Variants in SMARCD2 observed in about 807,000 individuals in gnomAD.
SMARCD2 encodes SWI/SNF-related matrix-associated actin-dependent regulator of chromatin subfamily D member 2.
Under a neutral mutation model 70.4 loss-of-function variants are expected in SMARCD2, and 39 were observed. The ratio of observed to expected loss-of-function variants is 0.55; its 90% CI spans 0.43 to 0.72. SMARCD2 has a LOEUF of 0.72. Ranked by LOEUF, SMARCD2 falls within the 30% of genes least tolerant of loss-of-function variation. The pLI is 0.00. For synonymous variants in SMARCD2, 249 were observed against 279.4 expected, an observed-to-expected ratio of 0.89 and a Z score of 1.08; for missense variants, 540 against 713.4, an observed-to-expected ratio of 0.76 and a Z score of 2.77.
chr17:63,836,976 C>G lies in SMARCD2; in HGVS notation c.513G>C (p.Gln171His), dbSNP rs765818369. 4.3e-6 allele frequency: 7 copies of G among 1,613,988 alleles called. No individual in the cohort carries two copies. In the South Asian group the frequency reaches 5.5e-5, roughly 13 times the overall value. The change falls in exon 4 of 13, where the codon CAG (glutamine) becomes CAC (histidine). Residue 171 changes from glutamine (Q) to histidine (H), a missense_variant. Physicochemically the swap from Gln to His is conservative, Grantham distance 24. Transcript: ENST00000448276. ...TCTCCATCCGCTTGCGAGCAATGGT[C>G]TGGTCCAGCTTCCGCTCAAAAGCCA... ...DLLAFERKLDQTIARKRMEIQ... is the reference protein window; with the variant it reads ...DLLAFERKLDHTIARKRMEIQ...
rs557798087 is a variant in SMARCD2 at position 63,837,900 on chromosome 17, C to T, written c.217-275G>A. Among the ~76,000 whole-genome samples the T allele has an allele frequency of 6.6e-6, 1 of 152,244 alleles. No individual in the cohort carries two copies. Among genetic ancestry groups the T allele is most frequent in the South Asian group, 2.1e-4 (1 of 4,824 alleles). On this transcript the variant is annotated intron_variant, in intron 1 of 12. Transcript: ENST00000448276. The surrounding 1 kb of genome is among the most constrained non-coding windows in gnomAD (Gnocchi z 6.4). ...AGGGTCCTGCCTGCAGAGGGAAGGG[C>T]CTTGGGGAGCTTTTCAGGGCCCATT...
rs778858477 is a variant in SMARCD2 at position 63,837,638 on chromosome 17, A to C, written c.217-13T>G. ...ACATGCCAGGTCGCTGGGGGAAGTG[A>C]GCCAACGGGGGTGCATAGGTCAGGG... On this transcript the variant is annotated splice_polypyrimidine_tract_variant and intron_variant, in intron 1 of 12. Transcript: ENST00000448276. The surrounding 1 kb of genome is among the most constrained non-coding windows in gnomAD (Gnocchi z 6.4). 4 of 1,610,556 alleles carry C rather than the reference A, an allele frequency of 2.5e-6. No homozygotes were observed. The highest frequency in any genetic ancestry group is 3.4e-6 in the Non-Finnish European group (4 of 1,178,402).
intron 1 of SMARCD2, among the ~76,000 whole-genome samples, chr17:63,840,152 G>T (rs1327707665): frequency 6.6e-6 from 1 of 150,776 alleles, no homozygotes; most frequent in Non-Finnish European, 1.5e-5. Flanking sequence ...TTTTTTTTTT[G>T]AACTTTTTGA....
At position 63,832,653 on chromosome 17, in the gene SMARCD2, G is replaced by A. The variant is rs1233591272; in HGVS notation, c.*285C>T. ...ACCCAGCAGCCTTTGGTTCGGAAAT[G>A]TCTTACAATGTCAAAGCACAGCCTC... On this transcript the variant is annotated 3_prime_UTR_variant, in exon 13 of 13. Coordinates refer to ENST00000448276, the MANE Select transcript of SMARCD2 (RefSeq NM_001098426.2). 11 of 513,018 alleles carry A rather than the reference G, an allele frequency of 2.1e-5. No homozygotes were observed. The East Asian group carries it at 3.8e-4, about 18-fold the overall frequency. The allele number at this position is 513,018 out of a possible 1,614,324, so 31.8% of individuals were successfully genotyped here. A position where few individuals can be genotyped will look rare whatever the true frequency, so the allele number is the denominator to read the frequency against.
At chr17:63,842,361 G>T in intron 1 of SMARCD2, 98 bp downstream of exon 1, 1 of 1,205,106 alleles carries the variant, frequency 8.3e-7, no homozygotes. Context: ...AGTTCCTCAT[G>T]CATTCCCCAG....
chr17:63,836,360 T>C (rs762202643), intron 4 of SMARCD2, among the ~76,000 whole-genome samples: 1 of 151,128 alleles, frequency 6.6e-6, no homozygotes, highest in Non-Finnish European at 1.5e-5. Flanking sequence ...TAGCCGGGCG[T>C]GGTGACAGGC....
chr17:63,836,857 G>C, intron 4 of SMARCD2, 65 bp downstream of exon 4: 1 of 1,554,094 alleles, frequency 6.4e-7, no homozygotes, highest in African/African-American at 1.4e-5. Context: ...CTTGGCCCCT[G>C]GAAAACAAGG....
At position 63,832,159 on chromosome 17, in the gene SMARCD2, C is replaced by T. The variant is rs2040198746; in HGVS notation, c.*779G>A. 1 of 630,184 alleles carries T rather than the reference C, an allele frequency of 1.6e-6. No homozygotes were observed. Among genetic ancestry groups the T allele is most frequent in the Middle Eastern group, 4.3e-4 (1 of 2,314 alleles). The allele number at this position is 630,184 out of a possible 1,614,324, so 39.0% of individuals were successfully genotyped here. A position where few individuals can be genotyped will look rare whatever the true frequency, so the allele number is the denominator to read the frequency against. ...CGCCAAGCCCTAGGCCCACCCTCCT[C>T]ACCAAGCTCCAAAGGGCAACACCAG... is the stretch of plus-strand genomic sequence containing the variant. On this transcript the variant is annotated 3_prime_UTR_variant, in exon 13 of 13. Coordinates refer to ENST00000448276, the MANE Select transcript of SMARCD2 (RefSeq NM_001098426.2).
intron 1 of SMARCD2, 50 bp downstream of exon 1, chr17:63,842,409 C>A (rs1329586380): frequency 1.5e-6 from 2 of 1,306,918 alleles, no homozygotes; most frequent in East Asian, 3.5e-5. Flanking sequence ...CCGGCCCGGG[C>A]GCCCTCGCAG....
chr17:63,835,187 GATC>G, intron 5 of SMARCD2: 2 of 569,708 alleles, frequency 3.5e-6, no homozygotes, highest in South Asian at 4.4e-5. Context: ...GCAGTGGTGT[GATC>G]ATAACTCACT....
Position 63,837,202 on chromosome 17 carries a change from G to C in SMARCD2, c.437C>G (p.Pro146Arg), listed in dbSNP as rs1161229255. ...KRRKMADKVL[P>R]QRIRELVPES... The stretch of plus-strand genomic sequence containing the variant: ...TGTCCTCTTAACACTTACTCGCTGA[G>C]GTAGAACCTTATCTGCCATCTTCCT... Residue 146 changes from proline to arginine, a missense_variant, in exon 3 of 13, where the codon CCT becomes CGT. Physicochemically the swap from Pro to Arg is moderately radical, Grantham distance 103. Transcript: ENST00000448276. This position sits in a 1 kb window ranked among gnomAD's most constrained non-coding sequence, Gnocchi z 6.4. The C allele has an allele frequency of 6.2e-7, 1 of 1,613,778 alleles. No homozygotes were observed. Among genetic ancestry groups the C allele is most frequent in the Non-Finnish European group, 8.5e-7 (1 of 1,179,812 alleles).
At position 63,837,088 on chromosome 17, in the gene SMARCD2, G is replaced by A. The variant is rs773001818; in HGVS notation, c.445-44C>T. 2 of 1,613,014 alleles carry A rather than the reference G, an allele frequency of 1.2e-6. No individual in the cohort carries two copies. Among genetic ancestry groups the A allele is most frequent in the Non-Finnish European group, 1.7e-6 (2 of 1,179,052 alleles). On this transcript the variant is annotated intron_variant, in intron 3 of 12. Coordinates refer to ENST00000448276, the MANE Select transcript of SMARCD2 (RefSeq NM_001098426.2). The surrounding 1 kb of genome is among the most constrained non-coding windows in gnomAD (Gnocchi z 6.4). ...AGCTCATCAGCTTGCTTCAGCCAAA[G>A]CCTGGCTCTTTCCTCCCTTCCTGCT...
chr17:63,834,203 C>T lies in SMARCD2; in HGVS notation c.1047G>A (p.Glu349=), dbSNP rs1408992446. 6.2e-7 allele frequency: 1 copy of T among 1,608,218 alleles called. No individual in the cohort carries two copies. The highest frequency in any genetic ancestry group is 1.1e-5 in the South Asian group (1 of 90,232). The part of the protein sequence containing the change: ...IKHNQLQDGH[E]REYINCNRYF... Reference sequence around the variant, plus strand: ...AACGGTTGCAGTTGATGTACTCCCGCTCGTGCCCATCCTGCAGCTGGTTGT... The same window carrying T: ...AACGGTTGCAGTTGATGTACTCCCGTTCGTGCCCATCCTGCAGCTGGTTGT... Residue 349 remains glutamate (E), a synonymous_variant, in exon 8 of 13, where the codon GAG becomes GAA. Transcript: ENST00000448276. This position sits in a 1 kb window ranked among gnomAD's most constrained non-coding sequence, Gnocchi z 5.6.
In SMARCD2 at chr17:63,834,134, G is replaced by A. The variant is rs1452778712; in HGVS notation, c.1083+33C>T. The A allele has an allele frequency of 1.5e-5, 24 of 1,608,212 alleles. No homozygotes were observed. In the South Asian group the frequency reaches 2.6e-4, roughly 18 times the overall value. ...AGCCCAGCAGGCAAGGCAAAGCAAG[G>A]GCTGAGAAAACGGGGGCTGGCATCT... On this transcript the variant is annotated intron_variant, in intron 8 of 12. Transcript: ENST00000448276. The surrounding 1 kb of genome is among the most constrained non-coding windows in gnomAD (Gnocchi z 5.6).
intron 4 of SMARCD2, among the ~76,000 whole-genome samples, chr17:63,836,431 G>A (rs750877802): frequency 1.4e-4 from 21 of 147,450 alleles, no homozygotes; most frequent in Non-Finnish European, 3.0e-4. Context: ...CCTGGGATGC[G>A]AAGGTTGCAG....
At chr17:63,836,861 A>G in intron 4 of SMARCD2, 61 bp downstream of exon 4, 1 of 1,564,488 alleles carries the variant, frequency 6.4e-7, no homozygotes, top group African/African-American at 1.4e-5. Context: ...GCCCCTGGAA[A>G]ACAAGGGGGT....
chr17:63,842,542 G>A lies in SMARCD2; in HGVS notation c.133C>T (p.Pro45Ser), dbSNP rs1339828769. The A allele has an allele frequency of 3.3e-6, 4 of 1,209,040 alleles. No individual in the cohort carries two copies. Among genetic ancestry groups the A allele is most frequent in the Non-Finnish European group, 2.1e-6 (2 of 974,016 alleles). The allele number at this position is 1,209,040 out of a possible 1,614,324, so 74.9% of individuals were successfully genotyped here. A position where few individuals can be genotyped will look rare whatever the true frequency, so the allele number is the denominator to read the frequency against. Residue 45 changes from proline (P) to serine (S), a missense_variant, in exon 1 of 13, where the codon CCG (proline) becomes TCG (serine). Pro to Ser is a moderately conservative substitution (Grantham distance 74). Coordinates refer to ENST00000448276, the MANE Select transcript of SMARCD2 (RefSeq NM_001098426.2). ...GMLPGPALRG[P>S]GPAGGVGGPG... Reference sequence around the variant, plus strand: ...CCCCCCACGCCTCCTGCCGGACCCGGTCCCCGGAGCGCCGGTCCGGGCAGC... The same window carrying A: ...CCCCCCACGCCTCCTGCCGGACCCGATCCCCGGAGCGCCGGTCCGGGCAGC...
At position 63,837,714 on chromosome 17, in the gene SMARCD2, C is replaced by T. The variant is rs2040284707; in HGVS notation, c.217-89G>A. 1.8e-6 allele frequency: 2 copies of T among 1,094,126 alleles called. No homozygotes were observed. The highest frequency in any genetic ancestry group is 2.9e-4 in the Middle Eastern group (1 of 3,408). 67.8% of individuals were successfully genotyped at this position (1,094,126 alleles called of 1,614,324 possible). A position where few individuals can be genotyped will look rare whatever the true frequency, so the allele number is the denominator to read the frequency against. ...CATGCCCTCCATCCCTCTCGTCAGCCAGGTAGGGCCTGAGCAGCACACCAG... is the reference window on the plus strand; with the variant it reads ...CATGCCCTCCATCCCTCTCGTCAGCTAGGTAGGGCCTGAGCAGCACACCAG... On this transcript the variant is annotated intron_variant, in intron 1 of 12. Coordinates refer to ENST00000448276, the MANE Select transcript of SMARCD2 (RefSeq NM_001098426.2). This position sits in a 1 kb window ranked among gnomAD's most constrained non-coding sequence, Gnocchi z 6.4.
Position 63,842,583 on chromosome 17 carries a change from G to A in SMARCD2, c.92C>T (p.Pro31Leu), listed in dbSNP as rs1422051848. 1 of 1,208,712 alleles carries A rather than the reference G, an allele frequency of 8.3e-7. No homozygotes were observed. Among genetic ancestry groups the A allele is most frequent in the Non-Finnish European group, 1.0e-6 (1 of 973,408 alleles). The allele number at this position is 1,208,712 out of a possible 1,614,324, so 74.9% of individuals were successfully genotyped here. A position where few individuals can be genotyped will look rare whatever the true frequency, so the allele number is the denominator to read the frequency against. ...VAAALGAPPP[P>L]AGPGMLPGPA... ...TCCGGGCAGCATGCCGGGTCCCGCGGGGGGAGGCGGCGCTCCCAGGGCCGC... is the reference window on the plus strand; with the variant it reads ...TCCGGGCAGCATGCCGGGTCCCGCGAGGGGAGGCGGCGCTCCCAGGGCCGC... The change falls in exon 1 of 13, where the codon CCC becomes CTC. Residue 31 changes from proline to leucine, a missense_variant. Transcript: ENST00000448276.
Sources: allele counts gnomAD v4.1 joint callset (sites outside exome capture counted in the v4.1 genomes callset), GRCh38; gene constraint gnomAD v4.1.1; non-coding constraint Gnocchi (gnomAD v3.1); transcripts MANE v1.5; gene names NCBI Gene and HGNC (gene_info 2026-07-23, HGNC 2026-07-21).